The following OTUD7A variants were observed in gnomAD, a reference collection of about 807,000 sequenced individuals.
OTUD7A encodes the protein OTU deubiquitinase 7A.
OTUD7A carries 12 observed loss-of-function variants against 65.7 expected under a neutral mutation model. The observed-to-expected ratio is 0.18, with a 90% CI of 0.12 to 0.30. The LOEUF (loss-of-function observed/expected upper bound fraction) is 0.30. OTUD7A is among the 10% of genes least tolerant of loss of function. The pLI is 1.00. For missense variants in OTUD7A, 1,148 were observed against 1,304.8 expected (o/e 0.88, Z 1.85); for synonymous variants, 641 against 586.3 (o/e 1.09, Z -1.35).
chr15:31,771,231 T>G (rs778158410), intron 1 of OTUD7A, among the ~76,000 whole-genome samples: 1 of 152,218 alleles, frequency 6.6e-6, no homozygotes, highest in Non-Finnish European at 1.5e-5. Context: ...GGAAGAAGAA[T>G]GTTTCTGTTC....
chr15:31,832,027 T>C (rs575362831), intron 1 of OTUD7A, among the ~76,000 whole-genome samples: 1 of 152,350 alleles, frequency 6.6e-6, no homozygotes, highest in South Asian at 2.1e-4. Flanking sequence ...TATCTTGATA[T>C]GGACTTGGAT....
chr15:31,728,378 C>T (rs534024168), intron 1 of OTUD7A, among the ~76,000 whole-genome samples: 121 of 152,356 alleles, frequency 7.9e-4, no homozygotes, highest in Non-Finnish European at 7.3e-4. Context: ...TCCTCTCTGT[C>T]CCCACCTCAA....
intron 1 of OTUD7A, among the ~76,000 whole-genome samples, chr15:31,852,778 G>T (rs114981060): frequency 6.6e-6 from 1 of 152,196 alleles, no homozygotes; most frequent in African/African-American, 2.4e-5. Flanking sequence ...GGCAATGATT[G>T]CTACTCTTAT....
At chr15:31,856,987 G>A (rs996089302) in intron 1 of OTUD7A, among the ~76,000 whole-genome samples, 6 of 152,268 alleles carry the variant, frequency 3.9e-5, no homozygotes, top group Admixed American at 2.6e-4. Context: ...GCCGGCAAAC[G>A]CCAACCATCC....
At chr15:31,767,574 G>A (rs1264690887) in intron 1 of OTUD7A, 4 of 809,836 alleles carry the variant, frequency 4.9e-6, no homozygotes, top group Non-Finnish European at 8.9e-6. Flanking sequence ...ACTTGTTTTG[G>A]ATTTATGACT....
chr15:31,524,517 T>C (rs2041983418), intron 8 of OTUD7A, among the ~76,000 whole-genome samples: 1 of 151,978 alleles, frequency 6.6e-6, no homozygotes, highest in African/African-American at 2.4e-5. Context: ...GGCCCTCTTA[T>C]GGTCTCCCCG....
chr15:31,827,622 TAA>T (rs950088202), intron 1 of OTUD7A, among the ~76,000 whole-genome samples: 1 of 152,226 alleles, frequency 6.6e-6, no homozygotes, highest in Non-Finnish European at 1.5e-5. Flanking sequence ...CCTTCTTTTC[TAA>T]AACTCTTTGT....
At chr15:31,813,408 C>A (rs1251596795) in intron 1 of OTUD7A, among the ~76,000 whole-genome samples, 3 of 152,192 alleles carry the variant, frequency 2.0e-5, no homozygotes, top group Non-Finnish European at 4.4e-5. Flanking sequence ...GCATGACACA[C>A]CATATAGCTT....
At chr15:31,600,591 A>T (rs1380607745) in intron 3 of OTUD7A, among the ~76,000 whole-genome samples, 1 of 152,234 alleles carries the variant, frequency 6.6e-6, no homozygotes, top group Admixed American at 6.5e-5. Flanking sequence ...TAATGACAGG[A>T]TCAAATTCAC....
At chr15:31,643,932 G>A (rs7171868) in intron 3 of OTUD7A, among the ~76,000 whole-genome samples, 43,643 of 152,004 alleles carry the variant, frequency 0.29, 7,400 homozygotes, top group African/African-American at 0.47. Flanking sequence ...TGGAAGACCG[G>A]GCTGCAAACA....
At chr15:31,727,675 T>A (rs986477398) in intron 1 of OTUD7A, among the ~76,000 whole-genome samples, 1 of 152,212 alleles carries the variant, frequency 6.6e-6, no homozygotes, top group Non-Finnish European at 1.5e-5. Context: ...CTATTCTTGC[T>A]AAGATCCATG....
intron 3 of OTUD7A, among the ~76,000 whole-genome samples, chr15:31,617,790 T>C (rs1335214458): frequency 1.3e-5 from 2 of 152,136 alleles, no homozygotes; most frequent in Non-Finnish European, 2.9e-5. Context: ...TTTAATTTTT[T>C]TATTATACTT....
intron 1 of OTUD7A, among the ~76,000 whole-genome samples, chr15:31,843,216 T>C (rs1897225573): frequency 6.6e-6 from 1 of 150,756 alleles, no homozygotes; most frequent in Non-Finnish European, 1.5e-5. Context: ...AACAGTTACC[T>C]CCCCAACTTC....
chr15:31,775,376 A>T (rs1895349086), intron 1 of OTUD7A, among the ~76,000 whole-genome samples: 4 of 152,232 alleles, frequency 2.6e-5, no homozygotes, highest in Admixed American at 2.6e-4. Flanking sequence ...GTGGATGAAA[A>T]CCTCTGCCTT....
At chr15:31,612,874 A>G (rs565975400) in intron 3 of OTUD7A, among the ~76,000 whole-genome samples, 218 of 152,340 alleles carry the variant, frequency 1.4e-3, no homozygotes, top group African/African-American at 4.9e-3. Flanking sequence ...TGGAGGCATC[A>G]CACTACCTGA....
At chr15:31,811,948 C>T (rs1226127321) in intron 1 of OTUD7A, among the ~76,000 whole-genome samples, 3 of 152,222 alleles carry the variant, frequency 2.0e-5, no homozygotes, top group Non-Finnish European at 2.9e-5. Context: ...CGCTGGAGCC[C>T]ACCCCTGAGG....
intron 1 of OTUD7A, among the ~76,000 whole-genome samples, chr15:31,739,988 T>C (rs1894295792): frequency 6.6e-6 from 1 of 152,202 alleles, no homozygotes; most frequent in African/African-American, 2.4e-5. Flanking sequence ...GGCAGACCCG[T>C]CTTTGAATGA....
chr15:31,570,137 G>A lies in OTUD7A; in HGVS notation c.212C>T (p.Thr71Ile). The A allele has an allele frequency of 3.1e-6, 5 of 1,614,208 alleles. No homozygotes were observed. The highest frequency in any genetic ancestry group is 3.4e-6 in the Non-Finnish European group (4 of 1,180,044). ...ATTGAACACATGTGGCAGATTGGCT[G>A]TGTGCACCTGGCGGAGCTGCTCATA... ...SDYEQLRQVH[T>I]ANLPHVFNEG... is the part of the protein sequence containing the mutation. The change falls in exon 4 of 13, where the codon ACA becomes ATA. Residue 71 changes from threonine (T) to isoleucine (I), a missense_variant. Around this residue, in one of 6 missense-constraint regions of OTUD7A, gnomAD observed 51 missense variants for 46.9 expected, o/e 1.09. Coordinates refer to ENST00000307050, the MANE Select transcript of OTUD7A (RefSeq NM_001382637.1).
chr15:31,722,632 A>G (rs1251166958), intron 1 of OTUD7A, among the ~76,000 whole-genome samples: 2 of 152,222 alleles, frequency 1.3e-5, no homozygotes, highest in African/African-American at 4.8e-5. Context: ...TGCAGGCAGG[A>G]CCACTGCGGC....
Sources: gnomAD v4.1 joint callset for allele counts (sites outside exome capture counted in the v4.1 genomes callset) on GRCh38, gnomAD v4.1.1 for gene constraint, gnomAD v4.1.1 regional missense constraint, MANE v1.5 for transcripts, NCBI Gene and HGNC (gene_info 2026-07-23, HGNC 2026-07-21) for gene names.